MARCHF8: variants seen among roughly 807,000 people sequenced by gnomAD.
MARCHF8 encodes the protein E3 ubiquitin-protein ligase MARCHF8.
In MARCHF8, 40 loss-of-function variants were observed where a neutral mutation model predicts 51.6. That is an observed-to-expected ratio of 0.77 (90% CI 0.60 to 1.01). MARCHF8 has a LOEUF of 1.01. Among genes scored for constraint, MARCHF8 ranks in the 50% least tolerant of loss-of-function variants. The pLI is 0.00. For synonymous variants in MARCHF8, 263 were observed against 280.3 expected, an observed-to-expected ratio of 0.94 and a Z score of 0.62; for missense variants, 685 against 708.6, an observed-to-expected ratio of 0.97 and a Z score of 0.38.
intron 2 of MARCHF8, among the ~76,000 whole-genome samples, chr10:45,524,477 G>T (rs148046786): frequency 1.1e-3 from 166 of 152,312 alleles, no homozygotes; most frequent in African/African-American, 3.8e-3. Context: ...AATCTCTTGT[G>T]GCCCTTGCAG....
At chr10:45,584,686 T>G (rs559224785) in intron 1 of MARCHF8, among the ~76,000 whole-genome samples, 38 of 152,108 alleles carry the variant, frequency 2.5e-4, no homozygotes, top group Admixed American at 2.5e-3. Context: ...GGAGATAAAA[T>G]AGAGTAATCT....
At chr10:45,591,923 T>C (rs1236786581) in intron 1 of MARCHF8, among the ~76,000 whole-genome samples, 1 of 152,186 alleles carries the variant, frequency 6.6e-6, no homozygotes, top group East Asian at 1.9e-4. Context: ...CTCCAGAGAT[T>C]TTCTTCCATA....
chr10:45,539,876 G>A (rs371311289), upstream of MARCHF8, among the ~76,000 whole-genome samples: 3 of 152,262 alleles, frequency 2.0e-5, no homozygotes, highest in East Asian at 5.8e-4. Flanking sequence ...AAATCAATGT[G>A]CAAAAATCAC....
chr10:45,528,842 T>C (rs2043833166), intron 2 of MARCHF8, among the ~76,000 whole-genome samples: 1 of 152,136 alleles, frequency 6.6e-6, no homozygotes, highest in Non-Finnish European at 1.5e-5. Context: ...AAATCACATA[T>C]GACACAAACA....
intron 1 of MARCHF8, among the ~76,000 whole-genome samples, chr10:45,554,536 CTT>C (rs2044230622): frequency 6.6e-6 from 1 of 152,150 alleles, no homozygotes; most frequent in South Asian, 2.1e-4. Flanking sequence ...GCCTGGACAT[CTT>C]GTCACACAAG....
chr10:45,526,994 T>C (rs2133256201), intron 2 of MARCHF8, among the ~76,000 whole-genome samples: 1 of 152,232 alleles, frequency 6.6e-6, no homozygotes, highest in Middle Eastern at 3.4e-3. Flanking sequence ...TACAAATACA[T>C]GGAAATTAAC....
intron 2 of MARCHF8, among the ~76,000 whole-genome samples, chr10:45,508,575 G>C (rs2043432468): frequency 6.6e-6 from 1 of 152,066 alleles, no homozygotes; most frequent in African/African-American, 2.4e-5. Context: ...TGGGCCAGTG[G>C]TTTTCAATTA....
intron 2 of MARCHF8, among the ~76,000 whole-genome samples, chr10:45,528,888 G>T (rs1564503516): frequency 6.6e-6 from 1 of 152,156 alleles, no homozygotes; most frequent in African/African-American, 2.4e-5. Flanking sequence ...TCATTAAAAT[G>T]ACCATACTAC....
intron 1 of MARCHF8, among the ~76,000 whole-genome samples, chr10:45,567,511 C>G (rs1325599710): frequency 2.6e-5 from 4 of 152,158 alleles, no homozygotes; most frequent in Admixed American, 2.0e-4. Flanking sequence ...CCAGTTTTCT[C>G]AGCACGATTT....
chr10:45,538,781 T>C (rs1318995991), upstream of MARCHF8, among the ~76,000 whole-genome samples: 1 of 152,160 alleles, frequency 6.6e-6, no homozygotes, highest in Non-Finnish European at 1.5e-5. Flanking sequence ...CCTAAATATA[T>C]ATGCACCCAA....
intron 2 of MARCHF8, among the ~76,000 whole-genome samples, chr10:45,490,958 C>T (rs570417175): frequency 1.5e-4 from 23 of 152,316 alleles, no homozygotes; most frequent in African/African-American, 4.3e-4. Flanking sequence ...AGTGCAGTGG[C>T]ACAATCACAA....
chr10:45,574,087 C>T (rs868739301), intron 1 of MARCHF8, among the ~76,000 whole-genome samples: 7 of 4,220 alleles, frequency 1.7e-3, no homozygotes, highest in African/African-American at 1.8e-3. Flanking sequence ...TATCTCCCCA[C>T]CTTAAACCGT....
chr10:45,588,956 G>A (rs183265338), intron 1 of MARCHF8, among the ~76,000 whole-genome samples: 8 of 131,090 alleles, frequency 6.1e-5, no homozygotes, highest in African/African-American at 1.2e-4. Context: ...CCAAGATCAC[G>A]CCACTGCACT....
At chr10:45,486,446 C>A (rs550034625) in intron 3 of MARCHF8, among the ~76,000 whole-genome samples, 1 of 152,248 alleles carries the variant, frequency 6.6e-6, no homozygotes, top group South Asian at 2.1e-4. Flanking sequence ...CACCTGTAAT[C>A]CCAGCTACTC....
At chr10:45,461,720 A>C in intron 5 of MARCHF8, 1 of 210,694 alleles carries the variant, frequency 4.7e-6, no homozygotes, top group Non-Finnish European at 9.4e-6. Flanking sequence ...TTAAAGCAAC[A>C]TGGAATCATT....
chr10:45,592,555 T>C (rs2044692695), intron 1 of MARCHF8, among the ~76,000 whole-genome samples: 1 of 152,228 alleles, frequency 6.6e-6, no homozygotes, highest in African/African-American at 2.4e-5. Flanking sequence ...CTTTCAGATA[T>C]TTTAAACTAC....
Position 45,559,206 on chromosome 10 carries a change from A to G in MARCHF8, c.-78-25917T>C, listed in dbSNP as rs2044283754. Among the ~76,000 whole-genome samples, 3 of 152,272 alleles carry G rather than the reference A, an allele frequency of 2.0e-5. No homozygotes were observed. In the South Asian group the frequency reaches 6.2e-4, roughly 31 times the overall value. On this transcript the variant is annotated intron_variant, in intron 1 of 6. Transcript: ENST00000319836. ...ACGGCTCTGGGTAAGAATGAATGCC[A>G]TAACATATGTGAAAATCACTTGCAA...
chr10:45,573,801 C>T (rs1056711196), intron 1 of MARCHF8, among the ~76,000 whole-genome samples: 1 of 152,164 alleles, frequency 6.6e-6, no homozygotes, highest in Non-Finnish European at 1.5e-5. Flanking sequence ...CTCCACATTA[C>T]CTTCTTTTCA....
Position 45,463,261 on chromosome 10 carries a change from C to G in MARCHF8, c.978G>C (p.Leu326=), listed in dbSNP as rs1842851345. The G allele has an allele frequency of 3.2e-6, 5 of 1,550,808 alleles. No homozygotes were observed. Among genetic ancestry groups the G allele is most frequent in the Non-Finnish European group, 4.4e-6 (5 of 1,147,082 alleles). Residue 326 remains leucine, a synonymous_variant, in exon 5 of 8, where the codon CTG becomes CTC. Transcript: ENST00000453424. The part of the protein sequence containing the change: ...STSAKLKSRV[L]RAPLCSTEKD... ...TTTCCGTGGAGCAGAGGGGCGCCCG[C>G]AGAACCCTACTCTTCAGTTTTGCAG...
Sources: gnomAD v4.1 joint callset for allele counts (sites outside exome capture counted in the v4.1 genomes callset) on GRCh38, gnomAD v4.1.1 for gene constraint, MANE v1.5 for transcripts, NCBI Gene and HGNC (gene_info 2026-07-23, HGNC 2026-07-21) for gene names.